Variants in EPB41L2 observed in about 807,000 individuals in gnomAD.
EPB41L2 encodes the protein erythrocyte membrane protein band 4.1 like 2.
EPB41L2 carries 43 observed loss-of-function variants against 113.0 expected under a neutral mutation model. That is an observed-to-expected ratio of 0.38 (90% CI 0.30 to 0.49). EPB41L2 has a LOEUF of 0.49. Among genes scored for constraint, EPB41L2 ranks in the 20% least tolerant of loss-of-function variants. The pLI, the probability that EPB41L2 is intolerant of heterozygous loss-of-function variation, is 0.95. For missense variants in EPB41L2, 1,147 were observed against 1,223.4 expected (o/e 0.94, Z 0.93); for synonymous variants, 442 against 436.7 (o/e 1.01, Z -0.15).
At chr6:131,052,497 A>G (rs1796759646) in intron 1 of EPB41L2, among the ~76,000 whole-genome samples, 1 of 152,244 alleles carries the variant, frequency 6.6e-6, no homozygotes, top group Non-Finnish European at 1.5e-5. Context: ...TCCTACTGGC[A>G]AGAATTTCAC....
At chr6:131,061,307 C>A (rs1219116469) in intron 1 of EPB41L2, among the ~76,000 whole-genome samples, 2 of 152,176 alleles carry the variant, frequency 1.3e-5, no homozygotes, top group Non-Finnish European at 2.9e-5. Flanking sequence ...ATTAAATTAG[C>A]GCTAAATCCA....
chr6:131,059,548 C>A (rs1295112917), intron 1 of EPB41L2, among the ~76,000 whole-genome samples: 1 of 151,392 alleles, frequency 6.6e-6, no homozygotes, highest in Non-Finnish European at 1.5e-5. Context: ...CTCATAATAT[C>A]AAGTTGCTGG....
intron 3 of EPB41L2, among the ~76,000 whole-genome samples, chr6:130,954,113 C>T (rs1255385859): frequency 3.2e-5 from 4 of 125,010 alleles, no homozygotes; most frequent in African/African-American, 9.0e-5. Context: ...AGTGCAGTGG[C>T]GCAATCTCAG....
intron 1 of EPB41L2, among the ~76,000 whole-genome samples, chr6:131,059,934 C>A (rs1353979892): frequency 6.6e-6 from 1 of 152,192 alleles, no homozygotes; most frequent in African/African-American, 2.4e-5. Flanking sequence ...AGGCACATTT[C>A]TTTTGTTTTC....
At chr6:130,900,925 C>T in intron 7 of EPB41L2, 37 bp downstream of exon 7, 1 of 1,601,186 alleles carries the variant, frequency 6.2e-7, no homozygotes, top group Non-Finnish European at 8.6e-7. Flanking sequence ...ATTTAAATCT[C>T]CCATGGCCAT....
intron 1 of EPB41L2, among the ~76,000 whole-genome samples, chr6:131,047,108 G>C (rs1335364291): frequency 6.6e-6 from 1 of 152,038 alleles, no homozygotes; most frequent in Non-Finnish European, 1.5e-5. Flanking sequence ...TTTTCTTATA[G>C]GATACTTAGG....
chr6:130,890,556 G>A, intron 10 of EPB41L2, 90 bp from the exon 11 acceptor site: 1 of 1,396,084 alleles, frequency 7.2e-7, no homozygotes, highest in Non-Finnish European at 9.6e-7. Context: ...TTAAAGCTAT[G>A]TACTTTCATA....
In EPB41L2 at chr6:130,895,133, C is replaced by T; in HGVS notation, c.1237-14G>A. The stretch of plus-strand genomic sequence containing the variant: ...ACCTTCTGAGTCCTGCCAAGCATAA[C>T]CCAATTAACCATGGTTAAGAGCTGT... On this transcript the variant is annotated splice_polypyrimidine_tract_variant and intron_variant, in intron 8 of 19. Coordinates refer to ENST00000337057, the MANE Select transcript of EPB41L2 (RefSeq NM_001431.4). The T allele has an allele frequency of 1.3e-6, 2 of 1,596,786 alleles. No individual in the cohort carries two copies. The highest frequency in any genetic ancestry group is 1.7e-6 in the Non-Finnish European group (2 of 1,170,628).
At chr6:130,900,176 T>G (rs930523934) in intron 7 of EPB41L2, among the ~76,000 whole-genome samples, 2 of 152,188 alleles carry the variant, frequency 1.3e-5, no homozygotes, top group African/African-American at 4.8e-5. Flanking sequence ...ATACAACAAA[T>G]GTCTATTGAG....
intron 1 of EPB41L2, among the ~76,000 whole-genome samples, chr6:130,974,319 T>A (rs1323243791): frequency 6.6e-6 from 1 of 151,738 alleles, no homozygotes; most frequent in Non-Finnish European, 1.5e-5. Flanking sequence ...CAACTTAGAG[T>A]AACTGTGAGA....
chr6:131,029,393 A>ATTT (rs1562765006), intron 1 of EPB41L2, among the ~76,000 whole-genome samples: 70 of 128,870 alleles, frequency 5.4e-4, no homozygotes, highest in African/African-American at 2.0e-3. Flanking sequence ...CATTTGTTTA[A>ATTT]AAAAAAAAAA....
chr6:130,934,797 T>A (rs573863442), intron 3 of EPB41L2, among the ~76,000 whole-genome samples: 4 of 70,386 alleles, frequency 5.7e-5, no homozygotes, highest in African/African-American at 4.8e-4. Context: ...TTTTGTTTTC[T>A]TTTTTTTTTT....
At chr6:130,983,566 T>C (rs1455724225) in intron 1 of EPB41L2, among the ~76,000 whole-genome samples, 1 of 151,668 alleles carries the variant, frequency 6.6e-6, no homozygotes, top group Non-Finnish European at 1.5e-5. Flanking sequence ...ACCTGAAAGT[T>C]CACCCAGGCT....
chr6:130,860,625 C>T (rs529680628), intron 18 of EPB41L2, among the ~76,000 whole-genome samples: 5 of 152,274 alleles, frequency 3.3e-5, no homozygotes, highest in Middle Eastern at 3.4e-3. Context: ...CTCCGCCTCC[C>T]GGGTTCACAC....
At chr6:130,862,980 T>A (rs1459171896) in intron 18 of EPB41L2, among the ~76,000 whole-genome samples, 1 of 152,220 alleles carries the variant, frequency 6.6e-6, no homozygotes, top group Non-Finnish European at 1.5e-5. Flanking sequence ...TTAAAAAAAT[T>A]GTCAGCATCA....
At chr6:130,913,284 T>A (rs1799968083) in intron 4 of EPB41L2, among the ~76,000 whole-genome samples, 1 of 152,210 alleles carries the variant, frequency 6.6e-6, no homozygotes, top group African/African-American at 2.4e-5. Flanking sequence ...TACTGAAGGC[T>A]GAAATGGCTT....
chr6:131,061,287 A>C (rs935711693), intron 1 of EPB41L2, among the ~76,000 whole-genome samples: 1 of 152,234 alleles, frequency 6.6e-6, no homozygotes, highest in East Asian at 1.9e-4. Context: ...AGTGAGGAAG[A>C]CAGGATAGGA....
chr6:131,048,461 G>A (rs995352454), intron 1 of EPB41L2, among the ~76,000 whole-genome samples: 5 of 152,168 alleles, frequency 3.3e-5, no homozygotes, highest in Admixed American at 2.6e-4. Flanking sequence ...ACAACAGTAT[G>A]TCACAAATGA....
intron 11 of EPB41L2, among the ~76,000 whole-genome samples, chr6:130,889,732 A>T (rs893951973): frequency 6.6e-6 from 1 of 152,226 alleles, no homozygotes; most frequent in Admixed American, 6.5e-5. Context: ...ATTGAACCAC[A>T]TAAAACACAT....
Sources: allele counts gnomAD v4.1 joint callset (sites outside exome capture counted in the v4.1 genomes callset), GRCh38; gene constraint gnomAD v4.1.1; transcripts MANE v1.5; gene names NCBI Gene and HGNC (gene_info 2026-07-23, HGNC 2026-07-21).